The following RBFOX3 variants were observed in gnomAD, a reference collection of about 807,000 sequenced individuals.
RBFOX3 encodes the protein RNA binding protein fox-1 homolog 3.
RBFOX3 carries 17 observed loss-of-function variants against 48.7 expected under a neutral mutation model. The ratio of observed to expected loss-of-function variants is 0.35; its 90% CI spans 0.24 to 0.52. RBFOX3 has a LOEUF of 0.52. RBFOX3 is among the 20% of genes least tolerant of loss of function. The probability of loss-of-function intolerance (pLI) is 0.94; values close to 1 mark genes in which losing one functional copy is unlikely to be tolerated. For synonymous variants in RBFOX3, 212 were observed against 209.5 expected (o/e 1.01, Z -0.10); for missense variants, 382 against 497.5 (o/e 0.77, Z 2.21).
At chr17:79,604,119 A>G (rs2093773561) in intron 1 of RBFOX3, among the ~76,000 whole-genome samples, 7 of 152,246 alleles carry the variant, frequency 4.6e-5, no homozygotes, top group Admixed American at 3.9e-4. Context: ...CCCACGGGCA[A>G]AGGGTGATTC....
intron 1 of RBFOX3, among the ~76,000 whole-genome samples, chr17:79,571,432 A>G (rs1023744065): frequency 6.6e-6 from 1 of 151,790 alleles, no homozygotes; most frequent in Non-Finnish European, 1.5e-5. Context: ...TATCCTCTCC[A>G]CTGCCAGCCC....
At chr17:79,526,437 T>C (rs2086805796) in intron 1 of RBFOX3, among the ~76,000 whole-genome samples, 1 of 152,194 alleles carries the variant, frequency 6.6e-6, no homozygotes, top group Non-Finnish European at 1.5e-5. Flanking sequence ...TCCTAAATCC[T>C]AGGGAATTTC....
chr17:79,275,093 C>G (rs1228200268), intron 3 of RBFOX3, among the ~76,000 whole-genome samples: 2 of 144,936 alleles, frequency 1.4e-5, no homozygotes, highest in Admixed American at 6.9e-5. Flanking sequence ...GCCTCTACAC[C>G]CCTTCTCTCT....
chr17:79,664,349 A>ATT, the RBFOX3 span, among the ~76,000 whole-genome samples: 83 of 139,086 alleles, frequency 6.0e-4, no homozygotes, highest in East Asian at 0.011. Context: ...TAATTTTTGT[A>ATT]TTTTTTTTTT....
At chr17:79,227,027 G>A (rs1396114860) in intron 4 of RBFOX3, among the ~76,000 whole-genome samples, 3 of 152,282 alleles carry the variant, frequency 2.0e-5, no homozygotes, top group South Asian at 2.1e-4. Context: ...AGAAGGCTGC[G>A]GTGCCTCCAA....
At chr17:79,128,042 C>T (rs1034341805) in intron 4 of RBFOX3, among the ~76,000 whole-genome samples, 15 of 152,340 alleles carry the variant, frequency 9.8e-5, no homozygotes, top group South Asian at 4.1e-4. Context: ...GACCGCTCAG[C>T]GCCAGGTTCT....
chr17:79,382,655 T>C (rs1434948112), intron 2 of RBFOX3, among the ~76,000 whole-genome samples: 1 of 152,148 alleles, frequency 6.6e-6, no homozygotes, highest in African/African-American at 2.4e-5. Context: ...ACAACCACAC[T>C]CACGCGCATT....
At chr17:79,339,654 G>A (rs781052918) in intron 2 of RBFOX3, among the ~76,000 whole-genome samples, 10 of 152,308 alleles carry the variant, frequency 6.6e-5, no homozygotes, top group African/African-American at 2.2e-4. Flanking sequence ...TGAGCCTGCC[G>A]GTCTGGAGGC....
intron 1 of RBFOX3, among the ~76,000 whole-genome samples, chr17:79,531,376 G>A (rs1023992993): frequency 6.6e-6 from 1 of 152,206 alleles, no homozygotes; most frequent in East Asian, 1.9e-4. Flanking sequence ...CGAGCAGGTG[G>A]GCCCAGGCAG....
intron 9 of RBFOX3, chr17:79,098,663 G>A (rs1352386555): frequency 2.6e-5 from 4 of 152,276 alleles, no homozygotes; most frequent in Non-Finnish European, 4.4e-5. Flanking sequence ...AGGCCTCTGC[G>A]GGGGACACCA....
chr17:79,437,409 G>A (rs1225453524), intron 2 of RBFOX3, among the ~76,000 whole-genome samples: 1 of 152,238 alleles, frequency 6.6e-6, no homozygotes, highest in Non-Finnish European at 1.5e-5. Context: ...CCAGGGAGGT[G>A]CGGGAAAGCC....
chr17:79,373,307 C>T (rs865914310), intron 2 of RBFOX3, among the ~76,000 whole-genome samples: 2 of 152,170 alleles, frequency 1.3e-5, no homozygotes, highest in South Asian at 4.1e-4. Context: ...CCTCTCCCCA[C>T]ATTTCCATTT....
intron 2 of RBFOX3, among the ~76,000 whole-genome samples, chr17:79,350,916 A>C (rs1394431391): frequency 4.6e-5 from 7 of 151,246 alleles, no homozygotes; most frequent in Non-Finnish European, 8.9e-5. Flanking sequence ...TCCCCTTCCC[A>C]CCTTTTCCCC....
At chr17:79,439,198 A>G (rs1568251782) in intron 2 of RBFOX3, among the ~76,000 whole-genome samples, 1 of 152,138 alleles carries the variant, frequency 6.6e-6, no homozygotes, top group South Asian at 2.1e-4. Flanking sequence ...CCCAGCTCTG[A>G]TGGGGCCGAG....
intron 4 of RBFOX3, among the ~76,000 whole-genome samples, chr17:79,201,103 C>G (rs1024462424): frequency 6.8e-6 from 1 of 146,970 alleles, no homozygotes; most frequent in South Asian, 2.1e-4. Flanking sequence ...ACAACAACAA[C>G]GACAACAACA....
chr17:79,314,226 A>G (rs1484703211), intron 2 of RBFOX3, among the ~76,000 whole-genome samples: 1 of 152,178 alleles, frequency 6.6e-6, no homozygotes, highest in African/African-American at 2.4e-5. Flanking sequence ...CGAGTGACAA[A>G]GTAGGAGCTG....
intron 1 of RBFOX3, among the ~76,000 whole-genome samples, chr17:79,541,261 T>G (rs1178364506): frequency 6.6e-6 from 1 of 152,096 alleles, no homozygotes; most frequent in African/African-American, 2.4e-5. Context: ...TAAGGGTATA[T>G]TTATGCAATT....
intron 3 of RBFOX3, among the ~76,000 whole-genome samples, chr17:79,280,374 G>C (rs1461485844): frequency 6.6e-6 from 1 of 152,198 alleles, no homozygotes; most frequent in Non-Finnish European, 1.5e-5. Context: ...AGTCCTATGG[G>C]ACTGTCTGTG....
the RBFOX3 span, among the ~76,000 whole-genome samples, chr17:79,616,139 G>A: frequency 3.3e-5 from 5 of 152,302 alleles, no homozygotes; most frequent in East Asian, 3.9e-4. Context: ...CCGACGGCCC[G>A]TTGGAGAGCT....
Sources: gnomAD v4.1 joint callset for allele counts (sites outside exome capture counted in the v4.1 genomes callset) on GRCh38, gnomAD v4.1.1 for gene constraint, MANE v1.5 for transcripts, NCBI Gene and HGNC (gene_info 2026-07-23, HGNC 2026-07-21) for gene names.